The following SKIC3 variants were observed in gnomAD, a reference collection of about 807,000 sequenced individuals.
SKIC3 encodes the protein SKI3 subunit of superkiller complex.
At chr5:95,525,273 T>C in the SKIC3 span, 1 of 905,942 alleles carries the variant, frequency 1.1e-6, no homozygotes, top group Non-Finnish European at 1.8e-6. Flanking sequence ...ATACTAAAAC[T>C]TAAAGCCTAC....
chr5:95,528,850 CT>C, the SKIC3 span: 3 of 709,958 alleles, frequency 4.2e-6, no homozygotes, highest in Admixed American at 7.8e-5. Flanking sequence ...TGCATGCAGA[CT>C]TTTATTTAAA....
the SKIC3 span, among the ~76,000 whole-genome samples, chr5:95,479,678 T>C: frequency 2.0e-5 from 1 of 49,024 alleles, no homozygotes; most frequent in Non-Finnish European, 3.2e-5. Context: ...AAAAACATTG[T>C]GTGTGTGTGT....
the SKIC3 span, chr5:95,494,999 T>A: frequency 6.2e-7 from 1 of 1,613,840 alleles, no homozygotes; most frequent in Non-Finnish European, 8.5e-7. Context: ...TGAGCCACAT[T>A]TCCTGCTACA....
the SKIC3 span, chr5:95,497,437 C>G: frequency 1.9e-6 from 3 of 1,613,546 alleles, no homozygotes; most frequent in Non-Finnish European, 2.5e-6. Context: ...GTTGAGCATA[C>G]TGTGCAACAA....
At chr5:95,549,320 A>G in the SKIC3 span, among the ~76,000 whole-genome samples, 1 of 152,024 alleles carries the variant, frequency 6.6e-6, no homozygotes, top group Non-Finnish European at 1.5e-5. Context: ...TAAACAGAAG[A>G]AAATTAGGTT....
chr5:95,517,610 T>C, the SKIC3 span, among the ~76,000 whole-genome samples: 5 of 152,244 alleles, frequency 3.3e-5, no homozygotes, highest in East Asian at 3.9e-4. Context: ...TAAATAAGTT[T>C]TCCAGGACCA....
the SKIC3 span, among the ~76,000 whole-genome samples, chr5:95,535,367 G>A: frequency 4.5e-3 from 611 of 136,442 alleles, 4 homozygotes; most frequent in South Asian, 0.036. Flanking sequence ...CCGGAGTGCA[G>A]TGGCGCTATC....
the SKIC3 span, among the ~76,000 whole-genome samples, chr5:95,522,593 G>T: frequency 6.6e-6 from 1 of 151,738 alleles, no homozygotes; most frequent in Non-Finnish European, 1.5e-5. Context: ...ATCCTACCAG[G>T]ACAGGTGTCC....
chr5:95,468,343 T>C, the SKIC3 span, among the ~76,000 whole-genome samples: 1 of 152,192 alleles, frequency 6.6e-6, no homozygotes, highest in East Asian at 1.9e-4. Context: ...TTGAGTGCTC[T>C]ACCTCCAATC....
the SKIC3 span, among the ~76,000 whole-genome samples, chr5:95,493,833 A>G: frequency 6.6e-6 from 1 of 151,486 alleles, no homozygotes; most frequent in East Asian, 1.9e-4. Context: ...TATATTATAT[A>G]AAAATATACC....
chr5:95,492,780 C>T, the SKIC3 span, among the ~76,000 whole-genome samples: 20 of 135,182 alleles, frequency 1.5e-4, no homozygotes, highest in Admixed American at 9.1e-4. Context: ...TGAATATTAA[C>T]TTAATCCTAA....
the SKIC3 span, chr5:95,540,683 T>C: frequency 6.2e-7 from 1 of 1,613,810 alleles, no homozygotes; most frequent in East Asian, 2.2e-5. Flanking sequence ...AATAAATGAG[T>C]CAATACCAAT....
the SKIC3 span, chr5:95,494,612 T>C: frequency 1.4e-6 from 2 of 1,460,812 alleles, no homozygotes; most frequent in East Asian, 2.3e-5. Context: ...GCAAGATTTT[T>C]CCCCCACTTA....
chr5:95,519,927 A>C, the SKIC3 span, among the ~76,000 whole-genome samples: 1 of 152,052 alleles, frequency 6.6e-6, no homozygotes, highest in Non-Finnish European at 1.5e-5. Flanking sequence ...GTGAGACTTG[A>C]AAAGTAGCAA....
the SKIC3 span, chr5:95,516,403 C>A: frequency 6.2e-7 from 1 of 1,613,094 alleles, no homozygotes; most frequent in Middle Eastern, 1.7e-4. Flanking sequence ...GTCCATGCAA[C>A]AGCATTCTAA....
chr5:95,515,034 A>G, the SKIC3 span: 4 of 1,073,910 alleles, frequency 3.7e-6, no homozygotes, highest in South Asian at 5.4e-5. Flanking sequence ...AATATGTATG[A>G]ACATAAAATT....
chr5:95,550,937 T>C, the SKIC3 span, among the ~76,000 whole-genome samples: 1 of 152,102 alleles, frequency 6.6e-6, no homozygotes, highest in East Asian at 1.9e-4. Context: ...AAACCCAAAA[T>C]ACACTGATGT....
the SKIC3 span, among the ~76,000 whole-genome samples, chr5:95,487,799 C>T: frequency 6.6e-6 from 1 of 151,860 alleles, no homozygotes; most frequent in South Asian, 2.1e-4. Flanking sequence ...ATGACACTTC[C>T]AAAGGAACAT....
the SKIC3 span, among the ~76,000 whole-genome samples, chr5:95,507,364 AGT>A: frequency 6.6e-6 from 1 of 152,322 alleles, no homozygotes; most frequent in Admixed American, 6.5e-5. Context: ...TTTATATATT[AGT>A]AGTTTGAGTT....
Sources: gnomAD v4.1 joint callset for allele counts (sites outside exome capture counted in the v4.1 genomes callset) on GRCh38, gnomAD v4.1.1 for gene constraint, MANE v1.5 for transcripts, NCBI Gene and HGNC (gene_info 2026-07-23, HGNC 2026-07-21) for gene names.